CR1L: variants seen among roughly 807,000 people sequenced by gnomAD.
CR1L encodes complement C3b/C4b receptor 1 like.
In CR1L, 59 loss-of-function variants were observed where a neutral mutation model predicts 62.3. That is an observed-to-expected ratio of 0.95 (90% CI 0.77 to 1.18). CR1L has a LOEUF of 1.18. Ranked by LOEUF, CR1L falls within the 50% of genes most tolerant of loss-of-function variation. CR1L has a pLI of 0.00. For missense variants in CR1L, 700 were observed against 702.8 expected (o/e 1.00, Z 0.04); for synonymous variants, 279 against 248.7 (o/e 1.12, Z -1.15).
intron 4 of CR1L, among the ~76,000 whole-genome samples, chr1:207,686,843 G>C (rs1385629609): frequency 6.6e-6 from 1 of 152,184 alleles, no homozygotes; most frequent in Non-Finnish European, 1.5e-5. Flanking sequence ...CATGAGAGCA[G>C]AGCTGTCACG....
intron 1 of CR1L, among the ~76,000 whole-genome samples, chr1:207,651,864 A>T (rs1237173218): frequency 6.6e-6 from 1 of 152,238 alleles, no homozygotes; most frequent in African/African-American, 2.4e-5. Context: ...GTCTATCCAA[A>T]GTAGTAAATG....
chr1:207,665,424 C>A (rs79996524), intron 1 of CR1L, among the ~76,000 whole-genome samples: 5,789 of 143,112 alleles, frequency 0.04, 172 homozygotes, highest in South Asian at 0.13. Context: ...CTAGTTGGAG[C>A]CTTGCTCTGT....
At chr1:207,679,194 A>C (rs1279391869) in intron 3 of CR1L, among the ~76,000 whole-genome samples, 2 of 134,710 alleles carry the variant, frequency 1.5e-5, no homozygotes. Context: ...TAGTAGAGAC[A>C]GGATTTCACC....
At chr1:207,683,034 C>CT (rs1175913269) in intron 3 of CR1L, among the ~76,000 whole-genome samples, 1 of 130,736 alleles carries the variant, frequency 7.6e-6, no homozygotes, top group Non-Finnish European at 1.6e-5. Flanking sequence ...TTCCTTCCTT[C>CT]CTTCCTTCCC....
chr1:207,708,081 T>A, intron 9 of CR1L, 97 bp from the exon 10 acceptor site: 1 of 1,411,920 alleles, frequency 7.1e-7, no homozygotes, highest in Non-Finnish European at 1.0e-6. Context: ...CTTAGACTTC[T>A]CCTATATTGT....
rs562598435 is a variant in CR1L at position 207,719,009 on chromosome 1, C to G, written c.1642+1318C>G. ...CATTCTCAGTAAACTATCACAAGAA[C>G]AAAAAACCAAACACCGCATATTCTC... On this transcript the variant is annotated intron_variant, in intron 11 of 11. Transcript: ENST00000508064. 4.3e-3 allele frequency among the ~76,000 whole-genome samples: 634 copies of G among 145,976 alleles called. 6 individuals are homozygous for G. Among genetic ancestry groups the G allele is most frequent in the Admixed American group, 0.012 (168 of 14,300 alleles).
intron 1 of CR1L, chr1:207,657,439 A>C: frequency 1.8e-6 from 1 of 568,092 alleles, no homozygotes; most frequent in Non-Finnish European, 3.1e-6. Context: ...ATTGGATCTA[A>C]TTTATTTTAA....
At chr1:207,648,719 A>G (rs1291227313) in intron 1 of CR1L, among the ~76,000 whole-genome samples, 4 of 152,198 alleles carry the variant, frequency 2.6e-5, no homozygotes, top group African/African-American at 9.7e-5. Flanking sequence ...TTTCAATGAA[A>G]GAAGCCAAGA....
intron 9 of CR1L, 95 bp downstream of exon 9, chr1:207,701,713 C>T: frequency 6.6e-7 from 1 of 1,518,380 alleles, no homozygotes; most frequent in Non-Finnish European, 9.1e-7. Context: ...CTGTTGCCAC[C>T]TGCTCTTGAG....
intron 1 of CR1L, among the ~76,000 whole-genome samples, chr1:207,653,653 T>C (rs1372404485): frequency 3.3e-5 from 5 of 152,194 alleles, no homozygotes; most frequent in African/African-American, 1.2e-4. Context: ...ACTGCTACAA[T>C]GTGAAGCATC....
At chr1:207,669,554 C>G in intron 1 of CR1L, 1 of 1,560,672 alleles carries the variant, frequency 6.4e-7, no homozygotes, top group Non-Finnish European at 8.6e-7. Flanking sequence ...CTCGCGCTGC[C>G]GGTGGCCTGG....
In CR1L at chr1:207,677,435, C is replaced by T. The variant is rs779759328; in HGVS notation, c.144C>T (p.Asn48=). Residue 48 remains asparagine (N), a synonymous_variant, in exon 2 of 12, where the codon AAC becomes AAT. Coordinates refer to ENST00000508064, the MANE Select transcript of CR1L (RefSeq NM_175710.2). The part of the protein sequence containing the change: ...PEWLPFARPT[N]LTDDFEFPIG... ...GGCTTCCATTTGCCAGGCCTACCAA[C>T]CTAACTGATGACTTTGAGTTTCCCA... is the stretch of plus-strand genomic sequence containing the variant. 8 of 1,613,448 alleles carry T rather than the reference C, an allele frequency of 5.0e-6. No homozygotes were observed. In the South Asian group the frequency reaches 7.7e-5, roughly 16 times the overall value.
At chr1:207,692,705 G>A (rs557260529) in intron 4 of CR1L, among the ~76,000 whole-genome samples, 37 of 151,482 alleles carry the variant, frequency 2.4e-4, no homozygotes, top group African/African-American at 7.9e-4. Context: ...GGCATTGGCC[G>A]ATGGATCCCC....
chr1:207,692,690 A>G (rs1399566707), intron 4 of CR1L, among the ~76,000 whole-genome samples: 3 of 151,662 alleles, frequency 2.0e-5, no homozygotes, highest in Non-Finnish European at 3.0e-5. Context: ...CTGGTCCCCA[A>G]TAAAGGCATT....
intron 11 of CR1L, among the ~76,000 whole-genome samples, chr1:207,718,258 C>T (rs1319260318): frequency 6.6e-6 from 1 of 152,170 alleles, no homozygotes; most frequent in Non-Finnish European, 1.5e-5. Flanking sequence ...GAAGCAGAGT[C>T]TGAGACTGTA....
At chr1:207,663,578 C>T (rs1445409967) in intron 1 of CR1L, among the ~76,000 whole-genome samples, 3 of 152,202 alleles carry the variant, frequency 2.0e-5, no homozygotes, top group Non-Finnish European at 4.4e-5. Context: ...ATTCCCTGAC[C>T]CCTTGTGATT....
chr1:207,674,821 G>A (rs1183693899), intron 1 of CR1L, among the ~76,000 whole-genome samples: 6 of 151,514 alleles, frequency 4.0e-5, no homozygotes, highest in African/African-American at 1.2e-4. Context: ...CTAGAGGAAA[G>A]GTGAATGCAT....
chr1:207,668,070 G>T (rs925783278), intron 1 of CR1L, among the ~76,000 whole-genome samples: 1 of 151,018 alleles, frequency 6.6e-6, no homozygotes, highest in Non-Finnish European at 1.5e-5. Context: ...CACTGTTAGG[G>T]AATCCAAATT....
intron 11 of CR1L, among the ~76,000 whole-genome samples, chr1:207,719,201 A>G (rs1344521395): frequency 1.4e-5 from 2 of 147,114 alleles, no homozygotes; most frequent in Non-Finnish European, 3.0e-5. Context: ...TGGCACATGT[A>G]TACATATGTA....
Sources: allele counts gnomAD v4.1 joint callset (sites outside exome capture counted in the v4.1 genomes callset), GRCh38; gene constraint gnomAD v4.1.1; transcripts MANE v1.5; gene names NCBI Gene and HGNC (gene_info 2026-07-23, HGNC 2026-07-21).